The following LETM2 variants were observed in gnomAD, a reference collection of about 807,000 sequenced individuals.
LETM2 encodes LETM1 domain-containing protein LETM2, mitochondrial.
LETM2 carries 58 observed loss-of-function variants against 59.6 expected under a neutral mutation model. The ratio of observed to expected loss-of-function variants is 0.97; its 90% CI spans 0.79 to 1.21. The LOEUF (loss-of-function observed/expected upper bound fraction) is 1.21, where lower values mean the gene tolerates loss of function less well. Among genes scored for constraint, LETM2 ranks in the 50% most tolerant of loss-of-function variants. The probability of loss-of-function intolerance (pLI) is 0.00; values close to 1 mark genes in which losing one functional copy is unlikely to be tolerated. For synonymous variants in LETM2, 199 were observed against 214.1 expected (o/e 0.93, Z 0.62); for missense variants, 572 against 575.7 (o/e 0.99, Z 0.07).
intron 4 of LETM2, among the ~76,000 whole-genome samples, chr8:38,396,065 C>A (rs964155487): frequency 6.6e-6 from 1 of 152,054 alleles, no homozygotes; most frequent in African/African-American, 2.4e-5. Context: ...ACTTATTGCC[C>A]AACTGAAGGT....
chr8:38,392,157 G>A (rs1300273144), intron 2 of LETM2, among the ~76,000 whole-genome samples: 1 of 152,134 alleles, frequency 6.6e-6, no homozygotes, highest in Non-Finnish European at 1.5e-5. Context: ...AGGCATGGTG[G>A]CTCATGCCTG....
In LETM2 at chr8:38,408,287, G is replaced by C. The variant is rs1004577321; in HGVS notation, c.*13G>C. ...AAAAGGAGCATAAAGGACTACTTGA[G>C]GATGGAGCTCACTCTCTTCAGCTTC... On this transcript the variant is annotated 3_prime_UTR_variant, in exon 11 of 11. Coordinates refer to ENST00000379957, the MANE Select transcript of LETM2 (RefSeq NM_001286819.2). The C allele has an allele frequency of 6.2e-7, 1 of 1,606,042 alleles. No individual in the cohort carries two copies. Among genetic ancestry groups the C allele is most frequent in the East Asian group, 2.2e-5 (1 of 44,842 alleles).
rs1813896265 is a variant in LETM2, at chr8:38,408,246, A to G, written c.1448A>G (p.Asn483Ser). The G allele has an allele frequency of 1.2e-6, 2 of 1,613,126 alleles. No homozygotes were observed. Among genetic ancestry groups the G allele is most frequent in the Non-Finnish European group, 1.7e-6 (2 of 1,179,692 alleles). ...LQAKSQMTAQ[N>S]SKASSKGA ...GCCAAATCACAAATGACGGCCCAGA[A>G]CAGCAAGGCTAGTTCAAAAGGAGCA... Residue 483 changes from asparagine to serine, a missense_variant, in exon 11 of 11, where the codon AAC (asparagine) becomes AGC (serine). Coordinates refer to ENST00000379957, the MANE Select transcript of LETM2 (RefSeq NM_001286819.2).
In LETM2 at chr8:38,392,912, CT is replaced by C. The variant is rs760241768; in HGVS notation, c.421del (p.Trp141GlyfsTer20). On this transcript the variant is annotated frameshift_variant, in exon 3 of 11. Coordinates refer to ENST00000379957, the MANE Select transcript of LETM2 (RefSeq NM_001286819.2). LOFTEE classifies it high-confidence loss of function. ...LKYYYNGFYL[L>X]WIDAKVAARM... ...ATATTATTACAATGGATTCTACTTA[CT>C]TTGGATTGACGCCAAAGTTGCTGCC... The C allele has an allele frequency of 9.3e-6, 15 of 1,613,432 alleles. No homozygotes were observed. The highest frequency in any genetic ancestry group is 1.6e-4 in the Middle Eastern group (1 of 6,062).
At position 38,400,347 on chromosome 8, in the gene LETM2, G is replaced by C. The variant is rs1311276491; in HGVS notation, c.721G>C (p.Ala241Pro). ...TCTTCAAGAAACCATGACAGAAATG[G>C]CAAGGAGGAACAGAGCCAAGATGGG... ...KFLQETMTEM[A>P]RRNRAKMGDA... The change falls in exon 5 of 11, where the codon GCA (alanine) becomes CCA (proline). Residue 241 changes from alanine to proline, a missense_variant. Coordinates refer to ENST00000379957, the MANE Select transcript of LETM2 (RefSeq NM_001286819.2). 6.2e-7 allele frequency: 1 copy of C among 1,613,326 alleles called. No homozygotes were observed. Among genetic ancestry groups the C allele is most frequent in the Admixed American group, 1.7e-5 (1 of 59,908 alleles).
chr8:38,400,128 A>G, intron 4 of LETM2, 144 bp from the exon 5 acceptor site: 1 of 575,014 alleles, frequency 1.7e-6, no homozygotes, highest in Non-Finnish European at 2.9e-6. Flanking sequence ...TGGTCTCACA[A>G]ACCCATTCAT....
intron 2 of LETM2, 35 bp downstream of exon 2, chr8:38,388,065 ATTCTTC>A: frequency 7.3e-7 from 1 of 1,366,356 alleles, no homozygotes; most frequent in Non-Finnish European, 9.9e-7. Context: ...TATGAACGTA[ATTCTTC>A]TTCTTCTTCT....
At chr8:38,408,118 C>A in intron 10 of LETM2, 94 bp from the exon 11 acceptor site, 1 of 841,266 alleles carries the variant, frequency 1.2e-6, no homozygotes, top group Non-Finnish European at 1.9e-6. Context: ...ACTTTGTGGT[C>A]ACTATTTTGA....
In LETM2 at chr8:38,404,384, G is replaced by A. The variant is rs192352931; in HGVS notation, c.1105-9G>A. 7.4e-5 allele frequency: 118 copies of A among 1,586,104 alleles called. No individual in the cohort carries two copies. In the East Asian group the frequency reaches 1.2e-3, roughly 16 times the overall value. ...GATTCTCACGTGTTGTTCCCCTCCCGTTCTCCAGTGGCAGGACCTCCACCT... is the reference window on the plus strand; with the variant it reads ...GATTCTCACGTGTTGTTCCCCTCCCATTCTCCAGTGGCAGGACCTCCACCT... On this transcript the variant is annotated splice_polypyrimidine_tract_variant and intron_variant, in intron 7 of 10. Coordinates refer to ENST00000379957, the MANE Select transcript of LETM2 (RefSeq NM_001286819.2).
chr8:38,388,126 G>A, intron 2 of LETM2, 96 bp downstream of exon 2: 1 of 850,124 alleles, frequency 1.2e-6, no homozygotes, highest in Non-Finnish European at 1.8e-6. Flanking sequence ...TGTCGCCCAG[G>A]CTGGAGTTCA....
At chr8:38,391,181 C>CAAAA (rs552521178) in intron 2 of LETM2, among the ~76,000 whole-genome samples, 9 of 51,940 alleles carry the variant, frequency 1.7e-4, no homozygotes, top group East Asian at 5.8e-4. Flanking sequence ...CCTCCTGTCT[C>CAAAA]AAAAAAAAAA....
In LETM2 at chr8:38,392,731, A is replaced by AAAAGC; in HGVS notation, c.237_238insAAAGC (p.Ser80LysfsTer25). 1 of 1,614,204 alleles carries AAAAGC rather than the reference A, an allele frequency of 6.2e-7. No homozygotes were observed. Among genetic ancestry groups the AAAAGC allele is most frequent in the Non-Finnish European group, 8.5e-7 (1 of 1,180,030 alleles). ...CTAGACTAATACAAAAGCTACACAC[A>AAAAGC]TCCACTTGCTGGCTGCAAGAAGTTC... On this transcript the variant is annotated frameshift_variant, in exon 3 of 11. Transcript: ENST00000379957. LOFTEE classifies it high-confidence loss of function.
intron 3 of LETM2, chr8:38,393,866 A>C (rs1812485965): frequency 2.7e-6 from 1 of 364,300 alleles, no homozygotes; most frequent in Non-Finnish European, 4.9e-6. Flanking sequence ...TTAACACTTT[A>C]AGAACCAAGC....
chr8:38,408,127 G>A (rs1813880639), intron 10 of LETM2, 85 bp from the exon 11 acceptor site: 2 of 971,092 alleles, frequency 2.1e-6, no homozygotes, highest in African/African-American at 1.6e-5. Context: ...TCACTATTTT[G>A]ATTAAGAAAA....
At chr8:38,406,139 A>C (rs1233095918) in intron 8 of LETM2, among the ~76,000 whole-genome samples, 4 of 152,176 alleles carry the variant, frequency 2.6e-5, no homozygotes, top group Admixed American at 6.5e-5. Flanking sequence ...TAGCTATTCT[A>C]TCACCACTCC....
chr8:38,404,295 G>T (rs1200872429), intron 7 of LETM2, 98 bp from the exon 8 acceptor site: 1 of 812,520 alleles, frequency 1.2e-6, no homozygotes, highest in East Asian at 2.5e-5. Flanking sequence ...AAAGGGCGGG[G>T]GCGGTGGGAA....
intron 6 of LETM2, among the ~76,000 whole-genome samples, 198 bp downstream of exon 6, chr8:38,401,251 C>T (rs538749004): frequency 6.6e-6 from 1 of 152,276 alleles, no homozygotes; most frequent in East Asian, 1.9e-4. Context: ...ATTCTCACAC[C>T]TCAGCCTCCC....
rs142416287 is a variant in LETM2 at position 38,400,400 on chromosome 8, C to T, written c.774C>T (p.Tyr258=). The T allele has an allele frequency of 2.2e-5, 34 of 1,578,620 alleles. No homozygotes were observed. In the African/African-American group the frequency reaches 2.3e-4, roughly 11 times the overall value. The change falls in exon 5 of 11, where the codon TAC becomes TAT. Residue 258 remains tyrosine, a synonymous_variant. Transcript: ENST00000379957. ...ATGCCTCTACACAGCTCTCATCCTA[C>T]GTGAAGCAGGTGTCCATCTTTTATG... ...MGDASTQLSS[Y]VKQVQTGHKP... is the part of the protein sequence containing the mutation.
chr8:38,393,220 CTTTTA>C, intron 3 of LETM2: 2 of 478,946 alleles, frequency 4.2e-6, no homozygotes, highest in Non-Finnish European at 7.3e-6. Flanking sequence ...TTAAAAAAAA[CTTTTA>C]TTTTAGGTTC....
Sources: gnomAD v4.1 joint callset for allele counts (sites outside exome capture counted in the v4.1 genomes callset) on GRCh38, gnomAD v4.1.1 for gene constraint, MANE v1.5 for transcripts, NCBI Gene and HGNC (gene_info 2026-07-23, HGNC 2026-07-21) for gene names.